SLC4A10: variants seen among roughly 807,000 people sequenced by gnomAD.
SLC4A10 encodes sodium-driven chloride bicarbonate exchanger.
A neutral mutation model predicts 137.7 loss-of-function variants in SLC4A10; 42 were observed. That is an observed-to-expected ratio of 0.30 (90% CI 0.24 to 0.39). The LOEUF (loss-of-function observed/expected upper bound fraction) is 0.39, where lower values mean the gene tolerates loss of function less well. Ranked by LOEUF, SLC4A10 falls within the 10% of genes least tolerant of loss-of-function variation. The probability of loss-of-function intolerance (pLI) is 1.00; values close to 1 mark genes in which losing one functional copy is unlikely to be tolerated. For missense variants in SLC4A10, 925 were observed against 1,355.0 expected, an observed-to-expected ratio of 0.68 and a Z score of 4.98; for synonymous variants, 474 against 464.1, an observed-to-expected ratio of 1.02 and a Z score of -0.27.
At chr2:161,660,592 C>CTTTCTTTCTTTCT (rs2038202890) in intron 1 of SLC4A10, among the ~76,000 whole-genome samples, 3 of 118,764 alleles carry the variant, frequency 2.5e-5, no homozygotes, top group African/African-American at 2.7e-5. Flanking sequence ...TTCTTTCTTT[C>CTTTCTTTCTTTCT]TTTCTTTCTT....
intron 1 of SLC4A10, among the ~76,000 whole-genome samples, chr2:161,720,795 T>A (rs2045566445): frequency 6.6e-6 from 1 of 152,108 alleles, no homozygotes; most frequent in Non-Finnish European, 1.5e-5. Context: ...ATGGATTTCT[T>A]GAATACAGCA....
At position 161,627,120 on chromosome 2, in the gene SLC4A10, AG is replaced by A. The variant is rs1387785001; in HGVS notation, c.48+2555del. ...AACTTATATGAAGTTCCTGACATTT[AG>A]TAAGTGTTCAATAAAACTTGCTATT... is the stretch of plus-strand genomic sequence containing the variant. On this transcript the variant is annotated intron_variant, in intron 1 of 26. Transcript: ENST00000446997. 1.2e-4 allele frequency among the ~76,000 whole-genome samples: 18 copies of A among 152,270 alleles called. No homozygotes were observed. In the East Asian group the frequency reaches 3.3e-3, roughly 28 times the overall value.
intron 1 of SLC4A10, among the ~76,000 whole-genome samples, chr2:161,710,340 G>A (rs1435684241): frequency 6.6e-6 from 1 of 151,652 alleles, no homozygotes; most frequent in African/African-American, 2.4e-5. Context: ...ATTCCTCTTG[G>A]TATTGGTTTC....
intron 23 of SLC4A10, among the ~76,000 whole-genome samples, chr2:161,970,823 C>T (rs570754459): frequency 3.3e-5 from 5 of 152,282 alleles, no homozygotes; most frequent in South Asian, 2.1e-4. Context: ...TGATGTAATT[C>T]GATATATAAC....
chr2:161,966,612 G>C (rs1651291192), intron 23 of SLC4A10, among the ~76,000 whole-genome samples: 1 of 151,952 alleles, frequency 6.6e-6, no homozygotes, highest in Non-Finnish European at 1.5e-5. Flanking sequence ...AGCTGGGCAT[G>C]GTGGTGCACA....
intron 1 of SLC4A10, among the ~76,000 whole-genome samples, chr2:161,681,753 C>A (rs1465723056): frequency 6.6e-6 from 1 of 152,056 alleles, no homozygotes; most frequent in African/African-American, 2.4e-5. Context: ...CTGATGTGAT[C>A]ACTGTGGCTC....
intron 1 of SLC4A10, among the ~76,000 whole-genome samples, chr2:161,701,136 C>T (rs2043080023): frequency 6.6e-6 from 1 of 151,924 alleles, no homozygotes; most frequent in African/African-American, 2.4e-5. Flanking sequence ...TATACAGATC[C>T]CAAGGGCAAA....
At chr2:161,864,972 T>C (rs1029530799) in intron 6 of SLC4A10, among the ~76,000 whole-genome samples, 2 of 152,124 alleles carry the variant, frequency 1.3e-5, no homozygotes, top group African/African-American at 4.8e-5. Flanking sequence ...ATTAACTTCC[T>C]AAGAATGCAT....
chr2:161,930,184 A>C (rs1342239655), intron 15 of SLC4A10, among the ~76,000 whole-genome samples: 3 of 152,148 alleles, frequency 2.0e-5, no homozygotes, highest in African/African-American at 7.2e-5. Context: ...CGTTTGTTTA[A>C]CCTACCTCCC....
intron 1 of SLC4A10, among the ~76,000 whole-genome samples, chr2:161,643,665 T>A (rs1232292556): frequency 6.6e-6 from 1 of 152,166 alleles, no homozygotes; most frequent in Non-Finnish European, 1.5e-5. Flanking sequence ...ATTTGGTTCT[T>A]ATATTTGTGA....
At chr2:161,969,534 CA>C (rs1157591540) in intron 23 of SLC4A10, among the ~76,000 whole-genome samples, 1 of 152,110 alleles carries the variant, frequency 6.6e-6, no homozygotes, top group Middle Eastern at 3.2e-3. Context: ...ACACATTTGA[CA>C]AAAGGCTACT....
At position 161,731,119 on chromosome 2, in the gene SLC4A10, T is replaced by C. The variant is rs565568728; in HGVS notation, c.49-39854T>C. On this transcript the variant is annotated intron_variant, in intron 1 of 26. Transcript: ENST00000446997. Reference sequence around the variant, plus strand: ...TATTGTTTTTCTTTTTATAAAATCATTGAATGCCTGGCACATGGTAGGTAT... The same window carrying C: ...TATTGTTTTTCTTTTTATAAAATCACTGAATGCCTGGCACATGGTAGGTAT... Among the ~76,000 whole-genome samples the C allele has an allele frequency of 1.4e-4, 21 of 152,298 alleles. No homozygotes were observed. The East Asian group carries it at 2.1e-3, about 15-fold the overall frequency.
In SLC4A10 at chr2:161,882,363, G is replaced by T. The variant is rs778788467; in HGVS notation, c.1113G>T (p.Leu371Phe). The change falls in exon 10 of 27, where the codon TTG becomes TTT. Residue 371 changes from leucine (L) to phenylalanine (F), a missense_variant. Leu to Phe is a conservative substitution (Grantham distance 22). Coordinates refer to ENST00000446997, the MANE Select transcript of SLC4A10 (RefSeq NM_001178015.2). ...LAEVPIPTRF[L>F]FILLGPLGKG... ...TTTTTCTTCTTAATTACAGATTTTT[G>T]TTCATTCTTCTGGGACCCCTGGGAA... 1.3e-6 allele frequency: 2 copies of T among 1,559,702 alleles called. No individual in the cohort carries two copies. The highest frequency in any genetic ancestry group is 2.3e-5 in the East Asian group (1 of 42,914).
chr2:161,628,661 A>G (rs967379544), intron 1 of SLC4A10, among the ~76,000 whole-genome samples: 5 of 152,028 alleles, frequency 3.3e-5, no homozygotes, highest in Middle Eastern at 3.2e-3. Flanking sequence ...TACTCACTAC[A>G]CCTTGTAGTC....
At chr2:161,768,699 T>C (rs562499482) in intron 1 of SLC4A10, among the ~76,000 whole-genome samples, 3 of 152,138 alleles carry the variant, frequency 2.0e-5, no homozygotes, top group South Asian at 2.1e-4. Flanking sequence ...CTTGATCAAC[T>C]AACCAATACC....
chr2:161,641,323 A>G (rs1007808523), intron 1 of SLC4A10, among the ~76,000 whole-genome samples: 2 of 152,172 alleles, frequency 1.3e-5, no homozygotes, highest in Admixed American at 1.3e-4. Flanking sequence ...TGTATCATCA[A>G]AACCATGTTG....
In SLC4A10 at chr2:161,879,308, C is replaced by A; in HGVS notation, c.1106+20C>A. The A allele has an allele frequency of 6.4e-7, 1 of 1,574,052 alleles. No homozygotes were observed. The highest frequency in any genetic ancestry group is 8.6e-7 in the Non-Finnish European group (1 of 1,158,546). ...AACCAGGTAAAAAGTATAAAAGCGT[C>A]TTTTGTATTTTTCTTAAACCATCTT... On this transcript the variant is annotated intron_variant, in intron 9 of 26. Coordinates refer to ENST00000446997, the MANE Select transcript of SLC4A10 (RefSeq NM_001178015.2).
intron 1 of SLC4A10, among the ~76,000 whole-genome samples, chr2:161,763,269 T>C (rs2050437880): frequency 6.6e-6 from 1 of 152,110 alleles, no homozygotes; most frequent in South Asian, 2.1e-4. Flanking sequence ...GTTGCCATCC[T>C]AATTACATGT....
At chr2:161,755,762 G>A (rs112617101) in intron 1 of SLC4A10, among the ~76,000 whole-genome samples, 2,201 of 150,422 alleles carry the variant, frequency 0.015, 31 homozygotes, top group Middle Eastern at 0.021. Flanking sequence ...GTCTTAACTC[G>A]TTCCTTAAAT....
Sources: allele counts gnomAD v4.1 joint callset (sites outside exome capture counted in the v4.1 genomes callset), GRCh38; gene constraint gnomAD v4.1.1; transcripts MANE v1.5; gene names NCBI Gene and HGNC (gene_info 2026-07-23, HGNC 2026-07-21).